DRD3: variants seen among roughly 807,000 people sequenced by gnomAD.
The protein encoded by DRD3 is D(3) dopamine receptor.
DRD3 carries 19 observed loss-of-function variants against 36.3 expected under a neutral mutation model. That is an observed-to-expected ratio of 0.52 (90% CI 0.36 to 0.77). DRD3 has a LOEUF of 0.77. Ranked by LOEUF, DRD3 falls within the 30% of genes least tolerant of loss-of-function variation. The pLI is 0.00. For synonymous variants in DRD3, 195 were observed against 203.7 expected (o/e 0.96, Z 0.36); for missense variants, 465 against 505.3 (o/e 0.92, Z 0.77).
intron 4 of DRD3, among the ~76,000 whole-genome samples, chr3:114,142,767 C>A (rs2077537492): frequency 6.6e-6 from 1 of 152,132 alleles, no homozygotes; most frequent in Admixed American, 6.5e-5. Context: ...GGGCATATAG[C>A]TATTTCAGGG....
chr3:114,162,966 G>C (rs1199271772), intron 2 of DRD3, among the ~76,000 whole-genome samples: 1 of 152,192 alleles, frequency 6.6e-6, no homozygotes, highest in Non-Finnish European at 1.5e-5. Context: ...CTTTGGGGTT[G>C]GTGAAAGTAC....
chr3:114,171,002 C>G (rs182957374), intron 2 of DRD3, among the ~76,000 whole-genome samples: 1 of 152,122 alleles, frequency 6.6e-6, no homozygotes, highest in African/African-American at 2.4e-5. Flanking sequence ...TTGACCACCC[C>G]CTGGCTCTGT....
At chr3:114,148,751 C>T (rs1308502842) in intron 3 of DRD3, among the ~76,000 whole-genome samples, 1 of 152,140 alleles carries the variant, frequency 6.6e-6, no homozygotes, top group African/African-American at 2.4e-5. Context: ...CTCAGTCTGT[C>T]GCCCAGGCTG....
At chr3:114,187,204 G>A (rs1236792944) in intron 1 of DRD3, among the ~76,000 whole-genome samples, 1 of 152,210 alleles carries the variant, frequency 6.6e-6, no homozygotes, top group Non-Finnish European at 1.5e-5. Flanking sequence ...TCTAAAAAAT[G>A]TTCTCTAAGA....
intron 6 of DRD3, among the ~76,000 whole-genome samples, chr3:114,130,615 G>A (rs545040079): frequency 1.6e-4 from 25 of 151,878 alleles, no homozygotes; most frequent in East Asian, 9.8e-4. Flanking sequence ...TAGTAGAGAC[G>A]GGGTTTACCG....
In DRD3 at chr3:114,154,012, T is replaced by C. The variant is rs2040944226; in HGVS notation, c.383+5743A>G. ...AGAGGTAGCCAGGGCATTGAAGACATAGGTGCCCCATCCTCACCTTCACCA... is the reference window on the plus strand; with the variant it reads ...AGAGGTAGCCAGGGCATTGAAGACACAGGTGCCCCATCCTCACCTTCACCA... On this transcript the variant is annotated intron_variant, in intron 3 of 6. Transcript: ENST00000383673. 3.3e-5 allele frequency among the ~76,000 whole-genome samples: 5 copies of C among 152,328 alleles called. No individual in the cohort carries two copies. The South Asian group carries it at 1.0e-3, about 32-fold the overall frequency.
At chr3:114,173,415 A>G (rs2077865810) in intron 1 of DRD3, among the ~76,000 whole-genome samples, 1 of 152,198 alleles carries the variant, frequency 6.6e-6, no homozygotes, top group Non-Finnish European at 1.5e-5. Flanking sequence ...AACCCTGTCT[A>G]GACCACACTC....
At chr3:114,147,677 T>C in intron 3 of DRD3, 120 bp from the exon 4 acceptor site, 1 of 1,193,790 alleles carries the variant, frequency 8.4e-7, no homozygotes, top group Non-Finnish European at 1.2e-6. Flanking sequence ...CAGGCAGAAG[T>C]GCAGTGGCAT....
chr3:114,140,245 A>G (rs1163528201), intron 4 of DRD3, among the ~76,000 whole-genome samples: 1 of 152,236 alleles, frequency 6.6e-6, no homozygotes, highest in Non-Finnish European at 1.5e-5. Context: ...GGCTGAATAC[A>G]AGACAGAGAT....
intron 4 of DRD3, among the ~76,000 whole-genome samples, chr3:114,144,563 C>T (rs1180505664): frequency 6.6e-6 from 1 of 152,186 alleles, no homozygotes; most frequent in African/African-American, 2.4e-5. Context: ...CTGAGCTTCA[C>T]TTACTAAATC....
chr3:114,163,615 A>G (rs2107871406), intron 2 of DRD3, among the ~76,000 whole-genome samples: 1 of 152,322 alleles, frequency 6.6e-6, no homozygotes, highest in East Asian at 1.9e-4. Flanking sequence ...CTATTCTAAT[A>G]TCATAGGAGG....
At chr3:114,174,375 C>T (rs949658353) in intron 1 of DRD3, among the ~76,000 whole-genome samples, 6 of 152,140 alleles carry the variant, frequency 3.9e-5, no homozygotes, top group Admixed American at 6.5e-5. Context: ...TCACCTGCCA[C>T]GTAAGAGGGA....
chr3:114,159,380 C>G (rs1004558994), intron 3 of DRD3, among the ~76,000 whole-genome samples: 1 of 151,628 alleles, frequency 6.6e-6, no homozygotes, highest in African/African-American at 2.4e-5. Context: ...CAAAAACAAA[C>G]AAAACAACAA....
chr3:114,170,845 C>G (rs2077833138), intron 2 of DRD3, among the ~76,000 whole-genome samples: 1 of 152,098 alleles, frequency 6.6e-6, no homozygotes, highest in African/African-American at 2.4e-5. Context: ...AAATGACACA[C>G]AGTGCAGAGG....
At chr3:114,197,919 C>A (rs985505109) in intron 1 of DRD3, among the ~76,000 whole-genome samples, 4 of 152,130 alleles carry the variant, frequency 2.6e-5, no homozygotes, top group African/African-American at 9.7e-5. Flanking sequence ...TCAGGCTATT[C>A]TCGTTCCTTA....
chr3:114,130,763 T>C (rs1010020999), intron 6 of DRD3, among the ~76,000 whole-genome samples: 8 of 152,148 alleles, frequency 5.3e-5, no homozygotes, highest in African/African-American at 1.9e-4. Flanking sequence ...CACAATAGTG[T>C]TTTGCATTCT....
chr3:114,163,012 C>T (rs2107870566), intron 2 of DRD3, among the ~76,000 whole-genome samples: 1 of 152,262 alleles, frequency 6.6e-6, no homozygotes, highest in African/African-American at 2.4e-5. Flanking sequence ...CCTGCTTAGC[C>T]CCCAAAGGAC....
chr3:114,139,408 A>T, intron 5 of DRD3, 92 bp downstream of exon 5: 1 of 1,268,394 alleles, frequency 7.9e-7, no homozygotes, highest in Non-Finnish European at 1.1e-6. Flanking sequence ...TCTCCAATTT[A>T]GCTAAACGGC....
rs928904438 is a variant in DRD3, at chr3:114,134,279, G to T, written c.724-2879C>A. On this transcript the variant is annotated intron_variant, in intron 5 of 6. Coordinates refer to ENST00000383673, the MANE Select transcript of DRD3 (RefSeq NM_000796.6). Reference sequence around the variant, plus strand: ...GTTATTTATTTATTTATTATTTTTAGTAGAAATGAGGTCTTGCTATGTTGG... The same window carrying T: ...GTTATTTATTTATTTATTATTTTTATTAGAAATGAGGTCTTGCTATGTTGG... Among the ~76,000 whole-genome samples the T allele has an allele frequency of 4.6e-5, 7 of 152,220 alleles. No homozygotes were observed. The South Asian group carries it at 1.4e-3, about 32-fold the overall frequency.
Sources: gnomAD v4.1 joint callset for allele counts (sites outside exome capture counted in the v4.1 genomes callset) on GRCh38, gnomAD v4.1.1 for gene constraint, MANE v1.5 for transcripts, NCBI Gene and HGNC (gene_info 2026-07-23, HGNC 2026-07-21) for gene names.